PPFIA1: variants seen among roughly 807,000 people sequenced by gnomAD.
PPFIA1 encodes the protein liprin-alpha-1.
In PPFIA1, 25 loss-of-function variants were observed where a neutral mutation model predicts 149.9. The observed-to-expected ratio is 0.17, with a 90% CI of 0.12 to 0.23. The LOEUF is 0.23. Among genes scored for constraint, PPFIA1 ranks in the 10% least tolerant of loss-of-function variants. PPFIA1 has a pLI of 1.00. For synonymous variants in PPFIA1, 549 were observed against 552.8 expected (o/e 0.99, Z 0.10); for missense variants, 1,362 against 1,506.5 (o/e 0.90, Z 1.59).
At chr11:70,306,031 T>C (rs1245531677) in intron 2 of PPFIA1, among the ~76,000 whole-genome samples, 1 of 152,220 alleles carries the variant, frequency 6.6e-6, no homozygotes, top group Non-Finnish European at 1.5e-5. Context: ...AGTAATGTTT[T>C]GTTTTTAGAA....
At chr11:70,337,238 C>T in intron 11 of PPFIA1, 127 bp from the exon 12 acceptor site, 1 of 584,084 alleles carries the variant, frequency 1.7e-6, no homozygotes, top group African/African-American at 2.0e-5. Flanking sequence ...TACAGCAGTG[C>T]TTGCTGGTGT....
At chr11:70,303,339 G>A (rs1029834434) in intron 2 of PPFIA1, among the ~76,000 whole-genome samples, 6 of 152,030 alleles carry the variant, frequency 3.9e-5, no homozygotes, top group Non-Finnish European at 5.9e-5. Context: ...CACACATCTG[G>A]GACATTTCCA....
At chr11:70,345,999 T>G in intron 15 of PPFIA1, 1 of 454,138 alleles carries the variant, frequency 2.2e-6, no homozygotes, top group South Asian at 1.6e-5. Context: ...CAGTGAGTGC[T>G]CAGATTGCAG....
rs1426569014 is a variant in PPFIA1 at position 70,333,513 on chromosome 11, T to C, written c.1256T>C (p.Met419Thr). The change falls in exon 10 of 28, where the codon ATG (methionine) becomes ACG (threonine). Residue 419 changes from methionine (M) to threonine (T), a missense_variant. Physicochemically the swap from Met to Thr is moderately conservative, Grantham distance 81. This residue lies in a region of PPFIA1 where 733 missense variants were observed against 744.1 expected (regional missense o/e 0.99). Transcript: ENST00000253925. ...AACATTGAAGAAAGGTTACGACAGA[T>C]GGAAGCACAGTTGGAGGAGAAGAAT... is the stretch of plus-strand genomic sequence containing the variant. ...HGNIEERLRQ[M>T]EAQLEEKNQE... 2 of 1,613,436 alleles carry C rather than the reference T, an allele frequency of 1.2e-6. No individual in the cohort carries two copies. The highest frequency in any genetic ancestry group is 2.7e-5 in the African/African-American group (2 of 75,022).
intron 2 of PPFIA1, chr11:70,279,213 A>G (rs2050593869): frequency 2.6e-6 from 1 of 383,314 alleles, no homozygotes; most frequent in South Asian, 3.8e-5. Flanking sequence ...ACGGCCCACC[A>G]GGAACTGCAA....
intron 26 of PPFIA1, among the ~76,000 whole-genome samples, chr11:70,379,457 C>CT (rs2057617833): frequency 7.2e-6 from 1 of 138,616 alleles, no homozygotes; most frequent in Non-Finnish European, 1.6e-5. Flanking sequence ...GACTCTGTCT[C>CT]AAAAAAAAAA....
chr11:70,306,844 T>G (rs1367560245), intron 2 of PPFIA1, among the ~76,000 whole-genome samples: 1 of 152,206 alleles, frequency 6.6e-6, no homozygotes, highest in African/African-American at 2.4e-5. Context: ...TGAGGAAGTA[T>G]TATAATCTCA....
chr11:70,338,333 A>G (rs1383547922), intron 12 of PPFIA1, 41 bp from the exon 13 acceptor site: 2 of 1,502,274 alleles, frequency 1.3e-6, no homozygotes, highest in South Asian at 1.1e-5. Context: ...TTTAAAATCT[A>G]AAAGAGATAG....
At chr11:70,320,436 C>CTTTTTT (rs34619705) in intron 2 of PPFIA1, among the ~76,000 whole-genome samples, 1 of 128,342 alleles carries the variant, frequency 7.8e-6, no homozygotes, top group African/African-American at 3.1e-5. Flanking sequence ...GATGTAGCTA[C>CTTTTTT]TTTTTTTTTT....
chr11:70,285,655 G>C (rs1446926786), intron 2 of PPFIA1, among the ~76,000 whole-genome samples: 1 of 150,446 alleles, frequency 6.6e-6, no homozygotes, highest in Non-Finnish European at 1.5e-5. Flanking sequence ...ACTCCAGCCT[G>C]GGGGACAGAG....
Position 70,374,938 on chromosome 11 carries a change from G to T in PPFIA1, c.3160G>T (p.Asp1054Tyr), listed in dbSNP as rs2057420932. The T allele has an allele frequency of 3.7e-6, 6 of 1,611,408 alleles. No individual in the cohort carries two copies. The highest frequency in any genetic ancestry group is 5.1e-6 in the Non-Finnish European group (6 of 1,179,260). The change falls in exon 24 of 28, where the codon GAT becomes TAT. Residue 1054 changes from aspartate to tyrosine, a missense_variant. Asp to Tyr is a radical substitution (Grantham distance 160). Transcript: ENST00000253925. The stretch of plus-strand genomic sequence containing the variant: ...TGCAGACGTGCTTGTTTGGAGCAAT[G>T]ATCGAGTGATTCGCTGGATCCTGTC... ...EIKDVLVWSN[D>Y]RVIRWILSIG...
In PPFIA1 at chr11:70,304,320, C is replaced by G. The variant is rs1445876310; in HGVS notation, c.265-20082C>G. Among the ~76,000 whole-genome samples, 3 of 152,010 alleles carry G rather than the reference C, an allele frequency of 2.0e-5. No individual in the cohort carries two copies. The East Asian group carries it at 5.8e-4, about 29-fold the overall frequency. ...TCTCCTTCTGCTGTTCACCTGGGTC[C>G]TTTGTGATAGCCTTTAAAAAAAAAA... is the stretch of plus-strand genomic sequence containing the variant. On this transcript the variant is annotated intron_variant, in intron 2 of 27. Transcript: ENST00000253925.
rs114077879 is a variant in PPFIA1, at chr11:70,353,926, G to A, written c.2164-375G>A. On this transcript the variant is annotated intron_variant, in intron 16 of 27. Coordinates refer to ENST00000253925, the MANE Select transcript of PPFIA1 (RefSeq NM_003626.5). ...CTCTTCATTAGTGCAAGTTAATGCTGTCTCACATTTGTAACGATGTGGTTT... is the reference window on the plus strand; with the variant it reads ...CTCTTCATTAGTGCAAGTTAATGCTATCTCACATTTGTAACGATGTGGTTT... Among the ~76,000 whole-genome samples the A allele has an allele frequency of 2.7e-3, 413 of 152,306 alleles. 3 individuals are homozygous for A. Among genetic ancestry groups the A allele is most frequent in the African/African-American group, 9.4e-3 (392 of 41,574 alleles).
intron 2 of PPFIA1, among the ~76,000 whole-genome samples, chr11:70,312,941 G>C (rs2053383750): frequency 6.6e-6 from 1 of 152,180 alleles, no homozygotes; most frequent in South Asian, 2.1e-4. Flanking sequence ...CCATGCCCAC[G>C]TGGGAAGTAG....
chr11:70,384,136 C>T lies in PPFIA1; in HGVS notation c.*1146C>T, dbSNP rs975621540. 6.6e-6 allele frequency: 1 copy of T among 152,174 alleles called. No homozygotes were observed. Among genetic ancestry groups the T allele is most frequent in the African/African-American group, 2.4e-5 (1 of 41,446 alleles). 9.4% of individuals were successfully genotyped at this position (152,174 alleles called of 1,614,324 possible). A position where few individuals can be genotyped will look rare whatever the true frequency, so the allele number is the denominator to read the frequency against. On this transcript the variant is annotated 3_prime_UTR_variant, in exon 28 of 28. Transcript: ENST00000253925. ...TTTTACTTTTTAAATGGCATATTAA[C>T]AAGCCAGCAAAGTGTGTCAGACCAT...
intron 2 of PPFIA1, among the ~76,000 whole-genome samples, chr11:70,292,774 T>G (rs1565352116): frequency 6.6e-6 from 1 of 152,206 alleles, no homozygotes; most frequent in Non-Finnish European, 1.5e-5. Context: ...CCCATAGATA[T>G]TACATGGTAG....
rs772092381 is a variant in PPFIA1 at position 70,356,133 on chromosome 11, A to G, written c.2489-28A>G. On this transcript the variant is annotated intron_variant, in intron 18 of 27. Transcript: ENST00000253925. ...ATAGAGCTTTGTCATGCTGATTTTT[A>G]CTTCTGGGCTGTTCTGCTTCCTCAC... The G allele has an allele frequency of 1.9e-6, 3 of 1,547,736 alleles. No homozygotes were observed. The East Asian group carries it at 6.7e-5, about 35-fold the overall frequency.
chr11:70,271,961 T>G, intron 1 of PPFIA1: 2 of 579,816 alleles, frequency 3.4e-6, no homozygotes, highest in Non-Finnish European at 6.0e-6. Context: ...CTTCCCTGGA[T>G]TTTTGTCTGT....
chr11:70,340,894 G>A (rs1310802597), intron 14 of PPFIA1: 1 of 333,268 alleles, frequency 3.0e-6, no homozygotes, highest in Non-Finnish European at 5.8e-6. Context: ...AGGCCTCGGG[G>A]CCATCAGCCA....
Sources: gnomAD v4.1 joint callset for allele counts (sites outside exome capture counted in the v4.1 genomes callset) on GRCh38, gnomAD v4.1.1 for gene constraint, gnomAD v4.1.1 regional missense constraint, MANE v1.5 for transcripts, NCBI Gene and HGNC (gene_info 2026-07-23, HGNC 2026-07-21) for gene names.